The following SEM1 variants were observed in gnomAD, a reference collection of about 807,000 sequenced individuals.
SEM1 encodes the protein 26S proteasome complex subunit SEM1.
In SEM1, 3 loss-of-function variants were observed where a neutral mutation model predicts 12.7. The observed-to-expected ratio is 0.24, with a 90% CI of 0.11 to 0.61. The LOEUF (loss-of-function observed/expected upper bound fraction) is 0.61, where lower values mean the gene tolerates loss of function less well. Among genes scored for constraint, SEM1 ranks in the 20% least tolerant of loss-of-function variants. The pLI is 0.88. For missense variants in SEM1, 59 were observed against 81.3 expected (o/e 0.73, Z 1.06); for synonymous variants, 30 against 27.8 (o/e 1.08, Z -0.25).
At chr7:96,570,738 A>G (rs1294005640) in intron 2 of SEM1, among the ~76,000 whole-genome samples, 1 of 152,164 alleles carries the variant, frequency 6.6e-6, no homozygotes, top group Non-Finnish European at 1.5e-5. Context: ...GGTTGGGTCG[A>G]ACGGTATTTC....
At chr7:96,660,499 A>C (rs747573942) in intron 2 of SEM1, among the ~76,000 whole-genome samples, 1 of 152,162 alleles carries the variant, frequency 6.6e-6, no homozygotes, top group Non-Finnish European at 1.5e-5. Context: ...TAATAACTTA[A>C]TCCAATCCCA....
At chr7:96,496,455 A>G (rs1331513685), upstream of SEM1, 1 of 559,294 alleles carries the variant, frequency 1.8e-6, no homozygotes, top group Admixed American at 3.4e-5. Context: ...CAAATGGAAC[A>G]TATGTTTTCT....
intron 2 of SEM1, among the ~76,000 whole-genome samples, chr7:96,660,921 G>GTAAT: frequency 6.6e-6 from 1 of 151,896 alleles, no homozygotes; most frequent in South Asian, 2.1e-4. Context: ...ATAGAAAAAC[G>GTAAT]TAATTACAAA....
chr7:96,683,411 T>C (rs886326477), intron 2 of SEM1, among the ~76,000 whole-genome samples: 9 of 151,836 alleles, frequency 5.9e-5, no homozygotes, highest in African/African-American at 9.7e-5. Flanking sequence ...TGTGGAGAAA[T>C]AGGAACACTT....
At chr7:96,664,553 T>A (rs1441747093) in intron 2 of SEM1, among the ~76,000 whole-genome samples, 1 of 152,226 alleles carries the variant, frequency 6.6e-6, no homozygotes, top group Non-Finnish European at 1.5e-5. Flanking sequence ...TTGGCCCACC[T>A]GGGTAATCCA....
downstream of SEM1, among the ~76,000 whole-genome samples, chr7:96,686,808 A>G (rs899815820): frequency 3.3e-5 from 5 of 152,222 alleles, no homozygotes; most frequent in African/African-American, 1.2e-4. Flanking sequence ...TAAACTAAAG[A>G]GCTTCTGCAC....
chr7:96,664,753 A>G (rs1424365510), intron 2 of SEM1, among the ~76,000 whole-genome samples: 1 of 152,222 alleles, frequency 6.6e-6, no homozygotes, highest in Non-Finnish European at 1.5e-5. Flanking sequence ...TGGAATGTTC[A>G]TAGCCACATA....
intron 2 of SEM1, among the ~76,000 whole-genome samples, chr7:96,556,211 G>A (rs1805493478): frequency 6.6e-6 from 1 of 151,686 alleles, no homozygotes; most frequent in South Asian, 2.1e-4. Context: ...ATATTGTTAT[G>A]TGTGAATTTG....
intron 2 of SEM1, among the ~76,000 whole-genome samples, chr7:96,667,329 T>A (rs766596376): frequency 6.6e-6 from 1 of 152,192 alleles, no homozygotes; most frequent in Non-Finnish European, 1.5e-5. Context: ...TCAAGAATCC[T>A]GGAGTCTCAG....
intron 1 of SEM1, chr7:96,697,353 T>C (rs556379774): frequency 6.0e-5 from 9 of 150,810 alleles, no homozygotes; most frequent in African/African-American, 2.2e-4. Flanking sequence ...ATCTGAGCTA[T>C]CCAAGATCTA....
At chr7:96,671,540 A>G (rs1175495865), downstream of SEM1, among the ~76,000 whole-genome samples, 1 of 152,216 alleles carries the variant, frequency 6.6e-6, no homozygotes, top group East Asian at 1.9e-4. Flanking sequence ...GAATGAGCCT[A>G]AAGAACAAGA....
At chr7:96,599,421 G>C (rs1807119707) in intron 2 of SEM1, among the ~76,000 whole-genome samples, 1 of 152,076 alleles carries the variant, frequency 6.6e-6, no homozygotes, top group African/African-American at 2.4e-5. Context: ...CTAAATGTCT[G>C]GGGTCACTCC....
intron 2 of SEM1, among the ~76,000 whole-genome samples, chr7:96,587,558 G>A (rs1000855614): frequency 6.6e-6 from 1 of 151,986 alleles, no homozygotes; most frequent in Middle Eastern, 3.2e-3. Context: ...CCTTGCTTCC[G>A]GTTGGTGCAC....
rs964303704 is a variant in SEM1, at chr7:96,506,015, A to G, written c.*60+608T>C. Reference sequence around the variant, plus strand: ...TTGCATTCTCCAAAGGTGACCATGGATTTAAATGTATTTGATCAGTTTTAA... The same window carrying G: ...TTGCATTCTCCAAAGGTGACCATGGGTTTAAATGTATTTGATCAGTTTTAA... On this transcript the variant is annotated intron_variant and NMD_transcript_variant, in intron 3 of 3. Coordinates refer to the SEM1 transcript ENST00000466986. Among the ~76,000 whole-genome samples the G allele has an allele frequency of 2.0e-5, 3 of 152,238 alleles. No homozygotes were observed. In the South Asian group the frequency reaches 6.2e-4, roughly 32 times the overall value.
intron 2 of SEM1, among the ~76,000 whole-genome samples, chr7:96,658,040 C>T (rs542833439): frequency 5.3e-4 from 80 of 152,206 alleles, no homozygotes; most frequent in African/African-American, 2.6e-4. Flanking sequence ...TTAAGCATGA[C>T]GCAGCCACCT....
At chr7:96,630,701 G>T (rs1169018487) in intron 2 of SEM1, among the ~76,000 whole-genome samples, 1 of 152,150 alleles carries the variant, frequency 6.6e-6, no homozygotes, top group East Asian at 1.9e-4. Context: ...CACGTGAAAG[G>T]CATCTTGCCA....
At chr7:96,512,156 C>G (rs553169840) in intron 2 of SEM1, among the ~76,000 whole-genome samples, 8 of 152,128 alleles carry the variant, frequency 5.3e-5, no homozygotes, top group Non-Finnish European at 5.9e-5. Flanking sequence ...CCTGTCCCCA[C>G]TCCAAGCCCA....
chr7:96,523,846 A>G (rs1804361564), intron 2 of SEM1, among the ~76,000 whole-genome samples: 1 of 152,142 alleles, frequency 6.6e-6, no homozygotes, highest in Non-Finnish European at 1.5e-5. Context: ...AATGACACAA[A>G]CTTAAACATT....
rs532134100 is a variant in SEM1 at position 96,570,963 on chromosome 7, C to A, written c.171-64265G>T. On this transcript the variant is annotated intron_variant and NMD_transcript_variant, in intron 2 of 3. Coordinates refer to the SEM1 transcript ENST00000466986. ...TTCTCTAATGACCAGTGATGATGAG[C>A]TTTTTTTTTTTTTCGTATGTTTGTT... Among the ~76,000 whole-genome samples, 11 of 143,540 alleles carry A rather than the reference C, an allele frequency of 7.7e-5. No individual in the cohort carries two copies. In the South Asian group the frequency reaches 1.8e-3, roughly 23 times the overall value. The allele number at this position is 143,540 out of a possible 152,430, so 94.2% of individuals were successfully genotyped here.
Sources: allele counts gnomAD v4.1 joint callset (sites outside exome capture counted in the v4.1 genomes callset), GRCh38; gene constraint gnomAD v4.1.1; transcripts MANE v1.5; gene names NCBI Gene and HGNC (gene_info 2026-07-23, HGNC 2026-07-21).